Variants in MCU observed in about 807,000 individuals in gnomAD.
The protein encoded by MCU is calcium uniporter protein, mitochondrial.
MCU carries 12 observed loss-of-function variants against 45.2 expected under a neutral mutation model. That is an observed-to-expected ratio of 0.27 (90% confidence interval 0.17 to 0.43). The LOEUF is 0.43. Ranked by LOEUF, MCU falls within the 20% of genes least tolerant of loss-of-function variation. The pLI is 1.00. For missense variants in MCU, 324 were observed against 436.7 expected (o/e 0.74, Z 2.30); for synonymous variants, 160 against 165.1 (o/e 0.97, Z 0.24).
chr10:72,730,301 C>CT, intron 1 of MCU, among the ~76,000 whole-genome samples: 3 of 141,496 alleles, frequency 2.1e-5, no homozygotes, highest in African/African-American at 7.9e-5. Flanking sequence ...TTGGTCCTTT[C>CT]TTTTTCTTTT....
At chr10:72,857,727 AT>A (rs1417065507) in intron 2 of MCU, among the ~76,000 whole-genome samples, 2 of 152,198 alleles carry the variant, frequency 1.3e-5, no homozygotes, top group East Asian at 3.8e-4. Context: ...TTTTAAAAAA[AT>A]GTATGTGAAA....
chr10:72,814,554 TA>T (rs985297670), intron 1 of MCU, among the ~76,000 whole-genome samples: 1 of 151,532 alleles, frequency 6.6e-6, no homozygotes, highest in African/African-American at 2.4e-5. Context: ...TGAAACTCAC[TA>T]AAAAAAAGAC....
intron 2 of MCU, among the ~76,000 whole-genome samples, chr10:72,854,849 G>A (rs1657904469): frequency 6.6e-6 from 1 of 152,180 alleles, no homozygotes; most frequent in African/African-American, 2.4e-5. Flanking sequence ...GTTTGTAGTT[G>A]TAACAGAGAT....
At chr10:72,749,853 G>C (rs1044241809) in intron 1 of MCU, among the ~76,000 whole-genome samples, 1 of 151,952 alleles carries the variant, frequency 6.6e-6, no homozygotes, top group East Asian at 1.9e-4. Flanking sequence ...TGCAGCCTCC[G>C]CCTCCCAGGT....
chr10:72,703,098 G>C (rs1842778765), intron 1 of MCU, among the ~76,000 whole-genome samples: 1 of 152,180 alleles, frequency 6.6e-6, no homozygotes, highest in African/African-American at 2.4e-5. Flanking sequence ...AGATGTATTT[G>C]AGAAGCAGCC....
chr10:72,785,992 A>T (rs1844066005), intron 1 of MCU, among the ~76,000 whole-genome samples: 1 of 152,192 alleles, frequency 6.6e-6, no homozygotes. Context: ...ATTTGAGGAG[A>T]TGAAGATTGT....
chr10:72,766,571 A>T (rs1456642457), intron 1 of MCU: 1 of 152,206 alleles, frequency 6.6e-6, no homozygotes, highest in Non-Finnish European at 1.5e-5. Flanking sequence ...AACTAAAAAA[A>T]ATTCCTTTCT....
At chr10:72,796,111 C>T (rs570181871) in intron 1 of MCU, among the ~76,000 whole-genome samples, 2 of 152,118 alleles carry the variant, frequency 1.3e-5, no homozygotes, top group Non-Finnish European at 2.9e-5. Context: ...TTGTCTTAAA[C>T]TGCATGCAGT....
intron 2 of MCU, among the ~76,000 whole-genome samples, chr10:72,848,157 T>A (rs1379981137): frequency 1.3e-5 from 2 of 152,152 alleles, no homozygotes; most frequent in Non-Finnish European, 2.9e-5. Context: ...TATGATGGAT[T>A]TGTTGGAGTA....
chr10:72,695,612 C>T (rs965262321), intron 1 of MCU, among the ~76,000 whole-genome samples: 4 of 152,114 alleles, frequency 2.6e-5, no homozygotes, highest in Admixed American at 6.6e-5. Context: ...TTGAATCTAA[C>T]ATTCGCACTT....
intron 1 of MCU, among the ~76,000 whole-genome samples, chr10:72,695,575 G>A (rs1456771977): frequency 6.6e-6 from 1 of 152,064 alleles, no homozygotes; most frequent in Non-Finnish European, 1.5e-5. Flanking sequence ...TTCATTTCAG[G>A]TTACAGACTG....
At chr10:72,702,901 C>A (rs965539704) in intron 1 of MCU, among the ~76,000 whole-genome samples, 2 of 151,858 alleles carry the variant, frequency 1.3e-5, no homozygotes, top group Non-Finnish European at 1.5e-5. Context: ...ATCACTTGAA[C>A]CGGGAGGCAG....
At chr10:72,736,888 A>G (rs1843258480) in intron 1 of MCU, among the ~76,000 whole-genome samples, 1 of 152,156 alleles carries the variant, frequency 6.6e-6, no homozygotes, top group South Asian at 2.1e-4. Context: ...GGTGTTTGAG[A>G]TGGTAGTGCT....
intron 1 of MCU, among the ~76,000 whole-genome samples, chr10:72,812,588 G>T (rs1399434488): frequency 6.6e-6 from 1 of 152,134 alleles, no homozygotes; most frequent in African/African-American, 2.4e-5. Context: ...AAAGGACAAA[G>T]GAACCTCAGG....
At chr10:72,745,478 C>G (rs1456256632) in intron 1 of MCU, among the ~76,000 whole-genome samples, 2 of 152,200 alleles carry the variant, frequency 1.3e-5, no homozygotes, top group Non-Finnish European at 2.9e-5. Context: ...ATCCACCTGC[C>G]TTGGCCTCCC....
intron 1 of MCU, among the ~76,000 whole-genome samples, chr10:72,718,791 T>C (rs1842984855): frequency 6.6e-6 from 1 of 152,208 alleles, no homozygotes; most frequent in African/African-American, 2.4e-5. Flanking sequence ...ATAATGAGTA[T>C]TGAACAGTGA....
chr10:72,874,195 T>G (rs1454273709), intron 6 of MCU, among the ~76,000 whole-genome samples: 1 of 152,228 alleles, frequency 6.6e-6, no homozygotes, highest in Non-Finnish European at 1.5e-5. Flanking sequence ...AGGGTAGTGT[T>G]GATTTATTCT....
In MCU at chr10:72,860,463, C is replaced by G. The variant is rs148854509; in HGVS notation, c.432C>G (p.Leu144=). 6 of 1,613,958 alleles carry G rather than the reference C, an allele frequency of 3.7e-6. No homozygotes were observed. The Admixed American group carries it at 5.0e-5, about 13-fold the overall frequency. The change falls in exon 4 of 8, where the codon CTC becomes CTG. Residue 144 remains leucine (L), a synonymous_variant. Transcript: ENST00000373053. ...RVAASTGIDL[L]LLDDFKLVIN... ...CTGCTTCAACAGGAATAGACCTCCT[C>G]CTCCTTGATGACTTTAAGCTGGTCA...
At chr10:72,833,979 A>T (rs1478661284) in intron 1 of MCU, among the ~76,000 whole-genome samples, 2 of 152,220 alleles carry the variant, frequency 1.3e-5, no homozygotes, top group African/African-American at 2.4e-5. Flanking sequence ...CGCAGATCTG[A>T]AAGGTAACCG....
Sources: gnomAD v4.1 joint callset for allele counts (sites outside exome capture counted in the v4.1 genomes callset) on GRCh38, gnomAD v4.1.1 for gene constraint, MANE v1.5 for transcripts, NCBI Gene and HGNC (gene_info 2026-07-23, HGNC 2026-07-21) for gene names.